Variants in DCDC2C observed in about 807,000 individuals in gnomAD.
DCDC2C encodes doublecortin domain-containing protein 2C.
Under a neutral mutation model 45.0 loss-of-function variants are expected in DCDC2C, and 44 were observed. That is an observed-to-expected ratio of 0.98 (90% CI 0.77 to 1.26). The LOEUF is 1.26. Among genes scored for constraint, DCDC2C ranks in the 50% most tolerant of loss-of-function variants. The pLI is 0.00. For missense variants in DCDC2C, 447 were observed against 468.9 expected, an observed-to-expected ratio of 0.95 and a Z score of 0.43; for synonymous variants, 187 against 178.8, an observed-to-expected ratio of 1.05 and a Z score of -0.37.
chr2:3,753,396 T>G lies in DCDC2C; in HGVS notation c.683+496T>G, dbSNP rs143829770. Among the ~76,000 whole-genome samples, 29 of 152,300 alleles carry G rather than the reference T, an allele frequency of 1.9e-4. No individual in the cohort carries two copies. The East Asian group carries it at 5.6e-3, about 29-fold the overall frequency. Reference sequence around the variant, plus strand: ...GTGTGTGTTTATGGACATGAAGCAGTGACCAGGAGGGAGGTGAAGGGTGCT... The same window carrying G: ...GTGTGTGTTTATGGACATGAAGCAGGGACCAGGAGGGAGGTGAAGGGTGCT... On this transcript the variant is annotated intron_variant, in intron 5 of 10. Transcript: ENST00000399143.
At position 3,710,578 on chromosome 2, in the gene DCDC2C, G is replaced by A. The variant is rs186874244; in HGVS notation, c.339+1978G>A. On this transcript the variant is annotated intron_variant, in intron 2 of 10. Coordinates refer to ENST00000399143, the MANE Select transcript of DCDC2C (RefSeq NM_001287444.2). ...GGGTATAATTTATTCGGTCACCCAG[G>A]CAGTGAGCATAGTATCCAATAGTTA... is the stretch of plus-strand genomic sequence containing the variant. Among the ~76,000 whole-genome samples, 21 of 152,304 alleles carry A rather than the reference G, an allele frequency of 1.4e-4. No individual in the cohort carries two copies. The East Asian group carries it at 3.7e-3, about 27-fold the overall frequency.
intron 3 of DCDC2C, among the ~76,000 whole-genome samples, chr2:3,729,755 C>T (rs1372224195): frequency 2.0e-5 from 3 of 152,162 alleles, no homozygotes; most frequent in African/African-American, 7.2e-5. Flanking sequence ...GGTCAGGGGC[C>T]TATCTCAGGT....
At chr2:3,717,858 G>C (rs977315240) in intron 2 of DCDC2C, among the ~76,000 whole-genome samples, 1 of 152,180 alleles carries the variant, frequency 6.6e-6, no homozygotes, top group Non-Finnish European at 1.5e-5. Flanking sequence ...TGTGCATGCT[G>C]TTCCTTCTGC....
intron 3 of DCDC2C, among the ~76,000 whole-genome samples, chr2:3,730,563 T>C (rs1013080604): frequency 5.3e-4 from 80 of 152,236 alleles, no homozygotes; most frequent in African/African-American, 1.9e-3. Context: ...CTGCTTCTAG[T>C]GAGCAAAGGC....
chr2:3,737,938 G>T (rs1669078425), intron 3 of DCDC2C, among the ~76,000 whole-genome samples: 1 of 152,146 alleles, frequency 6.6e-6, no homozygotes, highest in African/African-American at 2.4e-5. Context: ...TGACAAAGTA[G>T]TTTTATGCCT....
chr2:3,725,700 G>GAGGGAGGAGGCTGCCAGGT (rs1668646085), intron 2 of DCDC2C, among the ~76,000 whole-genome samples: 1 of 151,168 alleles, frequency 6.6e-6, no homozygotes, highest in Non-Finnish European at 1.5e-5. Context: ...GGATCCCAGA[G>GAGGGAGGAGGCTGCCAGGT]GGAGATGAGC....
At chr2:3,739,409 C>T (rs933464660) in intron 3 of DCDC2C, among the ~76,000 whole-genome samples, 3 of 152,216 alleles carry the variant, frequency 2.0e-5, no homozygotes, top group African/African-American at 7.2e-5. Context: ...GCCACGCCCC[C>T]ATCCTGTGCC....
chr2:3,837,353 C>G (rs1001149158), intron 10 of DCDC2C, among the ~76,000 whole-genome samples: 1 of 152,202 alleles, frequency 6.6e-6, no homozygotes, highest in African/African-American at 2.4e-5. Context: ...AGCCTAACAA[C>G]AGATGTTTCC....
chr2:3,772,304 C>A (rs1670195266), intron 8 of DCDC2C, among the ~76,000 whole-genome samples: 1 of 152,202 alleles, frequency 6.6e-6, no homozygotes, highest in Admixed American at 6.5e-5. Flanking sequence ...CCTTCAATAT[C>A]TGTTACTAAA....
chr2:3,760,484 G>A (rs1173147661), intron 6 of DCDC2C, among the ~76,000 whole-genome samples: 9 of 152,294 alleles, frequency 5.9e-5, no homozygotes, highest in African/African-American at 2.2e-4. Flanking sequence ...TACACCATGG[G>A]ATACTGTGCA....
intron 10 of DCDC2C, among the ~76,000 whole-genome samples, chr2:3,820,913 CAGA>C (rs1671673251): frequency 6.6e-6 from 1 of 152,160 alleles, no homozygotes; most frequent in Non-Finnish European, 1.5e-5. Flanking sequence ...GACCAGTCTC[CAGA>C]AGGAGTCCTC....
chr2:3,751,126 C>T (rs1669530389), intron 4 of DCDC2C, among the ~76,000 whole-genome samples: 1 of 152,166 alleles, frequency 6.6e-6, no homozygotes, highest in Non-Finnish European at 1.5e-5. Context: ...TGGCATTTTT[C>T]ATATTTGTAT....
chr2:3,785,250 G>A (rs73146820), intron 10 of DCDC2C, 150 bp downstream of exon 10: 8,251 of 555,818 alleles, frequency 0.015, 556 homozygotes, highest in African/African-American at 0.14. Context: ...CTATTTTCCA[G>A]AGTTAGAAAA....
rs1168199241 is a variant in DCDC2C at position 3,727,064 on chromosome 2, T to C, written c.401T>C (p.Ile134Thr). The change falls in exon 3 of 11, where the codon ATA becomes ACA. Residue 134 changes from isoleucine to threonine, a missense_variant. By Grantham distance (89) the Ile-to-Thr change is moderately conservative (BLOSUM62 -1). Transcript: ENST00000399143. The part of the protein sequence containing the change: ...VPSKWQTYHR[I>T]SRHINVFTNG... The stretch of plus-strand genomic sequence containing the variant: ...TCCAAGTGGCAAACATATCATCGTA[T>C]ATCTCGACATATAAAGTGAGTATAA... 2 of 1,549,830 alleles carry C rather than the reference T, an allele frequency of 1.3e-6. No individual in the cohort carries two copies. The highest frequency in any genetic ancestry group is 3.9e-5 in the Admixed American group (2 of 50,994).
intron 10 of DCDC2C, among the ~76,000 whole-genome samples, chr2:3,786,107 G>A (rs992300434): frequency 6.6e-6 from 1 of 152,238 alleles, no homozygotes; most frequent in Admixed American, 6.5e-5. Flanking sequence ...ACCATATTAT[G>A]GGGGAGGGGA....
At chr2:3,742,464 A>G (rs1669245968) in intron 4 of DCDC2C, among the ~76,000 whole-genome samples, 1 of 152,106 alleles carries the variant, frequency 6.6e-6, no homozygotes, top group Non-Finnish European at 1.5e-5. Flanking sequence ...AATGAATGCC[A>G]TGGGACAGAA....
At chr2:3,779,938 C>A (rs1227552264) in intron 9 of DCDC2C, among the ~76,000 whole-genome samples, 1 of 152,116 alleles carries the variant, frequency 6.6e-6, no homozygotes, top group Admixed American at 6.5e-5. Context: ...GGATATGGGT[C>A]CTCAGGAAGT....
intron 10 of DCDC2C, among the ~76,000 whole-genome samples, chr2:3,826,736 T>G (rs1378335058): frequency 6.6e-6 from 1 of 152,148 alleles, no homozygotes; most frequent in East Asian, 1.9e-4. Context: ...TTTATCTCCT[T>G]GGATGTGATT....
intron 5 of DCDC2C, 50 bp downstream of exon 5, chr2:3,752,950 C>G: frequency 6.5e-7 from 1 of 1,533,084 alleles, no homozygotes; most frequent in Non-Finnish European, 8.8e-7. Flanking sequence ...AAAAATTAGC[C>G]TTTTCCCCAG....
Sources: gnomAD v4.1 joint callset for allele counts (sites outside exome capture counted in the v4.1 genomes callset) on GRCh38, gnomAD v4.1.1 for gene constraint, MANE v1.5 for transcripts, NCBI Gene and HGNC (gene_info 2026-07-23, HGNC 2026-07-21) for gene names.